Variants in DNAJC27 observed in about 807,000 individuals in gnomAD.
The protein encoded by DNAJC27 is dnaJ homolog subfamily C member 27.
DNAJC27 carries 25 observed loss-of-function variants against 31.4 expected under a neutral mutation model. The observed-to-expected ratio is 0.80, with a 90% CI of 0.58 to 1.11. DNAJC27 has a LOEUF of 1.11. DNAJC27 is among the 50% of genes most tolerant of loss of function. The pLI, the probability that DNAJC27 is intolerant of heterozygous loss-of-function variation, is 0.00. For missense variants in DNAJC27, 356 were observed against 347.3 expected, an observed-to-expected ratio of 1.02 and a Z score of -0.20; for synonymous variants, 106 against 112.7, an observed-to-expected ratio of 0.94 and a Z score of 0.37.
At chr2:24,950,348 T>C (rs1665738723) in intron 6 of DNAJC27, among the ~76,000 whole-genome samples, 1 of 151,882 alleles carries the variant, frequency 6.6e-6, no homozygotes, top group African/African-American at 2.4e-5. Flanking sequence ...AGAATCAAGG[T>C]GAAAAAGTAG....
chr2:24,953,244 T>G (rs901497612), intron 5 of DNAJC27, among the ~76,000 whole-genome samples: 8 of 152,236 alleles, frequency 5.3e-5, no homozygotes, highest in Non-Finnish European at 1.2e-4. Context: ...TCCTGTTATC[T>G]TCTAAAATTC....
At position 24,943,976 on chromosome 2, in the gene DNAJC27, G is replaced by A. The variant is rs1393737537; in HGVS notation, c.*3640C>T. 4 of 152,158 alleles carry A rather than the reference G, an allele frequency of 2.6e-5. No homozygotes were observed. The highest frequency in any genetic ancestry group is 5.9e-5 in the Non-Finnish European group (4 of 68,028). 9.4% of individuals were successfully genotyped at this position (152,158 alleles called of 1,614,324 possible). ...ATCCATGTCACCAGTGTAAGCTTTT[G>A]TCTTCTCTAGAAAAGTTTAATGGAA... On this transcript the variant is annotated 3_prime_UTR_variant, in exon 7 of 7. Coordinates refer to ENST00000264711, the MANE Select transcript of DNAJC27 (RefSeq NM_016544.3).
intron 1 of DNAJC27, among the ~76,000 whole-genome samples, chr2:24,970,086 T>A (rs1666290508): frequency 6.6e-6 from 1 of 152,218 alleles, no homozygotes; most frequent in African/African-American, 2.4e-5. Context: ...TGCTGCCTAT[T>A]TCATGTTAAG....
chr2:24,963,503 A>C lies in DNAJC27; in HGVS notation c.171-29T>G, dbSNP rs756800290. The C allele has an allele frequency of 1.3e-5, 20 of 1,580,564 alleles. No individual in the cohort carries two copies. In the African/African-American group the frequency reaches 2.6e-4, roughly 20 times the overall value. On this transcript the variant is annotated intron_variant, in intron 2 of 6. Transcript: ENST00000264711. ...AAATGTTCAAATGGAAACAATCCGA[A>C]AGAAAGTCATGGTTTCTCCATTTAC... is the stretch of plus-strand genomic sequence containing the variant.
intron 3 of DNAJC27, among the ~76,000 whole-genome samples, chr2:24,959,353 C>T (rs1351484069): frequency 6.6e-6 from 1 of 152,152 alleles, no homozygotes. Flanking sequence ...AAATCAGCAA[C>T]ATCAACCACT....
intron 5 of DNAJC27, among the ~76,000 whole-genome samples, chr2:24,956,044 TCAA>T (rs1665896587): frequency 1.3e-5 from 2 of 152,198 alleles, no homozygotes; most frequent in Admixed American, 1.3e-4. Flanking sequence ...CAAACCAGCA[TCAA>T]CTTTATTTGA....
chr2:24,966,294 A>G (rs1666178940), intron 2 of DNAJC27, among the ~76,000 whole-genome samples: 1 of 152,192 alleles, frequency 6.6e-6, no homozygotes, highest in African/African-American at 2.4e-5. Context: ...GAGTGGGGCC[A>G]AGATAGTGAA....
chr2:24,962,198 A>G (rs1666057397), intron 3 of DNAJC27, among the ~76,000 whole-genome samples: 1 of 146,650 alleles, frequency 6.8e-6, no homozygotes, highest in South Asian at 2.2e-4. Flanking sequence ...CTTGGAAACT[A>G]AACAACATAC....
At chr2:24,959,227 C>T (rs1483320480) in intron 3 of DNAJC27, among the ~76,000 whole-genome samples, 1 of 152,160 alleles carries the variant, frequency 6.6e-6, no homozygotes, top group African/African-American at 2.4e-5. Flanking sequence ...TCCCTAGGCT[C>T]TTAAATTCTC....
intron 2 of DNAJC27, 88 bp downstream of exon 2, chr2:24,967,123 A>G (rs1313536157): frequency 1.0e-6 from 1 of 973,840 alleles, no homozygotes; most frequent in Non-Finnish European, 1.6e-6. Flanking sequence ...AAGATTACCT[A>G]CACAAGAGCA....
chr2:24,970,822 C>T (rs1666315043), intron 1 of DNAJC27, among the ~76,000 whole-genome samples: 4 of 151,852 alleles, frequency 2.6e-5, no homozygotes, highest in African/African-American at 7.3e-5. Flanking sequence ...TCAGTGAATA[C>T]TATGCTAGCA....
intron 2 of DNAJC27, among the ~76,000 whole-genome samples, chr2:24,965,420 T>A (rs938022228): frequency 1.3e-5 from 2 of 151,738 alleles, no homozygotes; most frequent in Non-Finnish European, 2.9e-5. Flanking sequence ...CACGTCCGGC[T>A]AATTTTTGTA....
chr2:24,971,816 A>G lies in DNAJC27; in HGVS notation c.87+2T>C. 2 of 1,606,500 alleles carry G rather than the reference A, an allele frequency of 1.2e-6. No homozygotes were observed. Among genetic ancestry groups the G allele is most frequent in the Non-Finnish European group, 1.7e-6 (2 of 1,177,388 alleles). ...CCGCCCCTCCCGGCTCGCTGTACTC[A>G]CTTTCCCCACTTCGGCGTTGCCCAT... On this transcript the variant is annotated splice_donor_variant, in intron 1 of 6. Transcript: ENST00000264711. LOFTEE classifies it high-confidence loss of function.
At chr2:24,950,890 G>C (rs961879881) in intron 6 of DNAJC27, among the ~76,000 whole-genome samples, 5 of 151,818 alleles carry the variant, frequency 3.3e-5, no homozygotes, top group African/African-American at 1.2e-4. Flanking sequence ...TACACACACA[G>C]ATGAGGAACT....
intron 3 of DNAJC27, among the ~76,000 whole-genome samples, chr2:24,960,394 A>G (rs1187124541): frequency 1.3e-5 from 2 of 152,250 alleles, no homozygotes; most frequent in African/African-American, 4.8e-5. Context: ...AACAATATTG[A>G]AAGTAGGCCA....
rs1481038204 is a variant in DNAJC27, at chr2:24,971,818, T to C, written c.87A>G (p.Lys29=). The stretch of plus-strand genomic sequence containing the variant: ...GCCCCTCCCGGCTCGCTGTACTCAC[T>C]TTCCCCACTTCGGCGTTGCCCATGG... ...VISMGNAEVG[K]SCIIKRYCEK... The change falls in exon 1 of 7, where the codon AAA becomes AAG. Residue 29 remains lysine (K), a splice_region_variant and synonymous_variant. Transcript: ENST00000264711. The C allele has an allele frequency of 5.6e-6, 9 of 1,607,576 alleles. No homozygotes were observed. Among genetic ancestry groups the C allele is most frequent in the South Asian group, 1.1e-5 (1 of 90,162 alleles).
intron 6 of DNAJC27, among the ~76,000 whole-genome samples, chr2:24,949,422 T>TC (rs1334388556): frequency 1.3e-5 from 2 of 152,180 alleles, no homozygotes; most frequent in African/African-American, 4.8e-5. Context: ...AGAGTGCCTT[T>TC]CAAGATTTGC....
At chr2:24,962,144 C>T (rs1666056115) in intron 3 of DNAJC27, among the ~76,000 whole-genome samples, 1 of 152,046 alleles carries the variant, frequency 6.6e-6, no homozygotes, top group Non-Finnish European at 1.5e-5. Context: ...TGGAATCAAA[C>T]TAGAAATCAG....
chr2:24,968,681 A>G (rs1243450529), intron 1 of DNAJC27, among the ~76,000 whole-genome samples: 1 of 152,022 alleles, frequency 6.6e-6, no homozygotes, highest in South Asian at 2.1e-4. Flanking sequence ...TAGGAATCCA[A>G]CCTACTCTCA....
Sources: allele counts gnomAD v4.1 joint callset (sites outside exome capture counted in the v4.1 genomes callset), GRCh38; gene constraint gnomAD v4.1.1; transcripts MANE v1.5; gene names NCBI Gene and HGNC (gene_info 2026-07-23, HGNC 2026-07-21).